Variants in MARCHF1 observed in about 807,000 individuals in gnomAD.
The protein encoded by MARCHF1 is membrane associated ring-CH-type finger 1.
Under a neutral mutation model 54.2 loss-of-function variants are expected in MARCHF1, and 40 were observed. The observed-to-expected ratio is 0.74, with a 90% CI of 0.57 to 0.96. MARCHF1 has a LOEUF of 0.96. MARCHF1 is among the 40% of genes least tolerant of loss of function. MARCHF1 has a pLI of 0.00. For missense variants in MARCHF1, 586 were observed against 656.5 expected (o/e 0.89, Z 1.17); for synonymous variants, 236 against 236.3 (o/e 1.00, Z 0.01).
chr4:164,023,988 T>A (rs1199323183), intron 2 of MARCHF1, among the ~76,000 whole-genome samples: 1 of 152,078 alleles, frequency 6.6e-6, no homozygotes, highest in Non-Finnish European at 1.5e-5. Context: ...GGAAAGAATC[T>A]CATAGCTTAA....
rs1031388973 is a variant in MARCHF1, at chr4:163,526,857, C to T, written c.*1891G>A. On this transcript the variant is annotated 3_prime_UTR_variant, in exon 10 of 10. Coordinates refer to ENST00000514618, the MANE Select transcript of MARCHF1 (RefSeq NM_001394959.1). ...ACGCCATACACACACACAAAATTGA[C>T]ATTGTTTACCTTTTGTTTATTTCTA... 6.6e-6 allele frequency: 1 copy of T among 151,802 alleles called. No homozygotes were observed. Among genetic ancestry groups the T allele is most frequent in the African/African-American group, 2.4e-5 (1 of 41,390 alleles). The allele number at this position is 151,802 out of a possible 1,614,324, so 9.4% of individuals were successfully genotyped here.
chr4:163,578,988 G>T (rs902865143), intron 8 of MARCHF1, among the ~76,000 whole-genome samples: 6 of 152,144 alleles, frequency 3.9e-5, no homozygotes, highest in Non-Finnish European at 8.8e-5. Flanking sequence ...GTTTACGGAT[G>T]GATGCTTCCC....
chr4:163,984,678 G>A (rs1249379091), intron 3 of MARCHF1, among the ~76,000 whole-genome samples: 6 of 152,106 alleles, frequency 3.9e-5, no homozygotes, highest in Admixed American at 2.6e-4. Flanking sequence ...TACAGCTACA[G>A]GGCTAAGAAT....
Position 163,743,018 on chromosome 4 carries a change from T to C in MARCHF1, c.112-42155A>G, listed in dbSNP as rs1387211360. 3.3e-5 allele frequency among the ~76,000 whole-genome samples: 5 copies of C among 152,334 alleles called. 1 individual carries two copies. The highest frequency in any genetic ancestry group is 1.2e-4 in the African/African-American group (5 of 41,580). ...ATTTCAATAGTCGAACTATTGCTAT[T>C]TAAGTACAGCTTTAAGCACTTGTTT... On this transcript the variant is annotated intron_variant, in intron 4 of 9. Transcript: ENST00000514618.
At chr4:163,598,944 G>A (rs956883383) in intron 7 of MARCHF1, among the ~76,000 whole-genome samples, 6 of 152,140 alleles carry the variant, frequency 3.9e-5, no homozygotes, top group Admixed American at 3.3e-4. Flanking sequence ...TTGTTCGGCT[G>A]TTTAAAAGAT....
At chr4:163,925,291 A>G (rs1374004845) in intron 3 of MARCHF1, among the ~76,000 whole-genome samples, 1 of 151,912 alleles carries the variant, frequency 6.6e-6, no homozygotes, top group African/African-American at 2.4e-5. Context: ...CCAGATATGC[A>G]GTATTTGTTT....
chr4:164,016,071 G>A (rs183106991), intron 2 of MARCHF1, among the ~76,000 whole-genome samples: 1 of 152,132 alleles, frequency 6.6e-6, no homozygotes, highest in South Asian at 2.1e-4. Context: ...ATCCATTAAT[G>A]GATGAATGGA....
rs1168051233 is a variant in MARCHF1, at chr4:163,854,006, T to G, written c.111+15A>C. The G allele has an allele frequency of 6.5e-7, 1 of 1,535,782 alleles. No individual in the cohort carries two copies. Among genetic ancestry groups the G allele is most frequent in the Non-Finnish European group, 8.7e-7 (1 of 1,146,094 alleles). ...ACATATAAGCCAATTTGAGGTAAAG[T>G]AACTTTCCACTCACCAATGTGGAGG... On this transcript the variant is annotated intron_variant, in intron 4 of 9. Coordinates refer to ENST00000514618, the MANE Select transcript of MARCHF1 (RefSeq NM_001394959.1).
intron 5 of MARCHF1, among the ~76,000 whole-genome samples, chr4:163,692,564 AC>A (rs199858458): frequency 1.3e-5 from 2 of 151,708 alleles, no homozygotes; most frequent in African/African-American, 2.4e-5. Context: ...TTAGCGAGAT[AC>A]CACAGGGCTG....
At position 163,525,711 on chromosome 4, in the gene MARCHF1, T is replaced by C. The variant is rs1738079676; in HGVS notation, c.*3037A>G. ...ATTTCATTCTTCAATTTTAGTCCTTTTTTTTTCAATTCCATTTTATTTCTT... is the reference window on the plus strand; with the variant it reads ...ATTTCATTCTTCAATTTTAGTCCTTCTTTTTTCAATTCCATTTTATTTCTT... On this transcript the variant is annotated 3_prime_UTR_variant, in exon 10 of 10. Coordinates refer to ENST00000514618, the MANE Select transcript of MARCHF1 (RefSeq NM_001394959.1). 1 of 152,124 alleles carries C rather than the reference T, an allele frequency of 6.6e-6. No homozygotes were observed. Among genetic ancestry groups the C allele is most frequent in the South Asian group, 2.1e-4 (1 of 4,830 alleles). 9.4% of individuals were successfully genotyped at this position (152,124 alleles called of 1,614,324 possible).
At chr4:163,839,355 C>T (rs1008628477) in intron 4 of MARCHF1, among the ~76,000 whole-genome samples, 12 of 152,026 alleles carry the variant, frequency 7.9e-5, no homozygotes, top group African/African-American at 2.2e-4. Flanking sequence ...CAATCAATTA[C>T]ACTCCTAAGC....
At chr4:164,070,943 G>A (rs951352807) in intron 2 of MARCHF1, among the ~76,000 whole-genome samples, 5 of 152,168 alleles carry the variant, frequency 3.3e-5, no homozygotes, top group African/African-American at 1.2e-4. Flanking sequence ...TATGAGATCT[G>A]ACGGGTTTAT....
intron 8 of MARCHF1, among the ~76,000 whole-genome samples, chr4:163,564,968 A>C (rs768301539): frequency 8.6e-5 from 13 of 152,036 alleles, no homozygotes; most frequent in Non-Finnish European, 1.6e-4. Context: ...CATGGAAGGA[A>C]CTCCCTAAAC....
intron 3 of MARCHF1, among the ~76,000 whole-genome samples, chr4:163,876,593 C>G (rs1377255298): frequency 6.6e-6 from 1 of 152,022 alleles, no homozygotes; most frequent in Non-Finnish European, 1.5e-5. Context: ...TTAAAGTATT[C>G]TTATGAAACA....
In MARCHF1 at chr4:163,525,280, G is replaced by GAGTACCCA. The variant is rs1738061315; in HGVS notation, c.*3460_*3467dup. The GAGTACCCA allele has an allele frequency of 6.6e-6, 1 of 152,074 alleles. No homozygotes were observed. Among genetic ancestry groups the GAGTACCCA allele is most frequent in the African/African-American group, 2.4e-5 (1 of 41,420 alleles). The allele number at this position is 152,074 out of a possible 1,614,324, so 9.4% of individuals were successfully genotyped here. A position where few individuals can be genotyped will look rare whatever the true frequency, so the allele number is the denominator to read the frequency against. On this transcript the variant is annotated 3_prime_UTR_variant, in exon 10 of 10. Transcript: ENST00000514618. ...CCTGCCAAAGAATAGATGTTTTAAA[G>GAGTACCCA]AGTACCCAAGGACCTTTTGTAAAAC... is the stretch of plus-strand genomic sequence containing the variant.
intron 8 of MARCHF1, among the ~76,000 whole-genome samples, chr4:163,550,297 AAAAG>A: frequency 6.9e-6 from 1 of 145,882 alleles, no homozygotes; most frequent in African/African-American, 2.7e-5. Flanking sequence ...AAAAAAAAAA[AAAAG>A]AAAAGAAAAG....
chr4:164,222,545 A>G (rs760703750), intron 1 of MARCHF1, among the ~76,000 whole-genome samples: 4 of 151,926 alleles, frequency 2.6e-5, no homozygotes, highest in African/African-American at 7.2e-5. Context: ...ATTTTGCCCT[A>G]TGTTTTCCAT....
intron 4 of MARCHF1, among the ~76,000 whole-genome samples, chr4:163,836,200 T>C (rs1306042292): frequency 6.6e-6 from 1 of 151,202 alleles, no homozygotes; most frequent in Non-Finnish European, 1.5e-5. Flanking sequence ...GATCCTTACC[T>C]ACATGGTAGT....
chr4:163,573,890 T>C (rs1382043046), intron 8 of MARCHF1, among the ~76,000 whole-genome samples: 1 of 150,736 alleles, frequency 6.6e-6, no homozygotes, highest in Non-Finnish European at 1.5e-5. Context: ...ATCGCCACAC[T>C]GACTTCCACA....
Sources: gnomAD v4.1 joint callset for allele counts (sites outside exome capture counted in the v4.1 genomes callset) on GRCh38, gnomAD v4.1.1 for gene constraint, MANE v1.5 for transcripts, NCBI Gene and HGNC (gene_info 2026-07-23, HGNC 2026-07-21) for gene names.